Variants in C12orf42 observed in about 807,000 individuals in gnomAD.
C12orf42 encodes the protein uncharacterized protein C12orf42.
A neutral mutation model predicts 21.6 loss-of-function variants in C12orf42; 25 were observed. The ratio of observed to expected loss-of-function variants is 1.16; its 90% CI spans 0.84 to 1.62. The LOEUF is 1.62. Among genes scored for constraint, C12orf42 ranks in the 40% most tolerant of loss-of-function variants. The probability of loss-of-function intolerance (pLI) is 0.00; values close to 1 mark genes in which losing one functional copy is unlikely to be tolerated. For synonymous variants in C12orf42, 174 were observed against 175.0 expected, an observed-to-expected ratio of 0.99 and a Z score of 0.05; for missense variants, 483 against 459.3, an observed-to-expected ratio of 1.05 and a Z score of -0.47.
chr12:103,124,404 A>G, the C12orf42 span, among the ~76,000 whole-genome samples: 1 of 152,070 alleles, frequency 6.6e-6, no homozygotes, highest in African/African-American at 2.4e-5. Flanking sequence ...CCATCTCTGT[A>G]TCTCTGGCTA....
At chr12:103,257,446 C>T in intron 10 of C12orf42, among the ~76,000 whole-genome samples, 1 of 152,040 alleles carries the variant, frequency 6.6e-6, no homozygotes, top group African/African-American at 2.4e-5. Flanking sequence ...ACCCACAAAA[C>T]AAAACAAAAT....
the C12orf42 span, among the ~76,000 whole-genome samples, chr12:103,169,189 TAAATAAATA>T: frequency 2.8e-4 from 38 of 136,796 alleles, no homozygotes; most frequent in African/African-American, 8.8e-4. Context: ...AATAAATAAA[TAAATAAATA>T]AAATAAAGAT....
chr12:103,122,348 C>T, the C12orf42 span, among the ~76,000 whole-genome samples: 3 of 152,190 alleles, frequency 2.0e-5, no homozygotes, highest in African/African-American at 7.2e-5. Flanking sequence ...AATAGGCTTT[C>T]TGCATGGGCA....
chr12:103,198,892 G>C, the C12orf42 span, among the ~76,000 whole-genome samples: 1 of 152,094 alleles, frequency 6.6e-6, no homozygotes, highest in Non-Finnish European at 1.5e-5. Context: ...TGATGGTCTG[G>C]TCTCTAGGTG....
At chr12:103,454,111 A>G (rs1354666888) in intron 2 of C12orf42, among the ~76,000 whole-genome samples, 2 of 152,120 alleles carry the variant, frequency 1.3e-5, no homozygotes, top group East Asian at 3.8e-4. Flanking sequence ...TCTTTTTAGA[A>G]TTCTTCCCTG....
At chr12:103,345,419 T>C (rs2042530081) in intron 4 of C12orf42, among the ~76,000 whole-genome samples, 1 of 152,184 alleles carries the variant, frequency 6.6e-6, no homozygotes, top group Non-Finnish European at 1.5e-5. Flanking sequence ...TTGTTGTTGA[T>C]GATGATGTGC....
intron 3 of C12orf42, among the ~76,000 whole-genome samples, chr12:103,369,918 A>C (rs983810025): frequency 2.0e-5 from 3 of 152,180 alleles, no homozygotes; most frequent in Non-Finnish European, 2.9e-5. Flanking sequence ...ACAGTAAAAG[A>C]AACTATCAAC....
At chr12:103,442,553 G>A (rs1006540930) in intron 2 of C12orf42, among the ~76,000 whole-genome samples, 5 of 152,076 alleles carry the variant, frequency 3.3e-5, no homozygotes, top group African/African-American at 1.2e-4. Flanking sequence ...ATCTAAATCA[G>A]CACTCCATTC....
At chr12:103,079,945 A>G in the C12orf42 span, among the ~76,000 whole-genome samples, 1 of 152,220 alleles carries the variant, frequency 6.6e-6, no homozygotes, top group African/African-American at 2.4e-5. Context: ...TAATATAAGA[A>G]TATAGTCTAT....
intron 10 of C12orf42, among the ~76,000 whole-genome samples, chr12:103,250,789 T>C (rs993858678): frequency 1.3e-5 from 2 of 152,072 alleles, no homozygotes; most frequent in Non-Finnish European, 2.9e-5. Flanking sequence ...CTTCTCAGAA[T>C]CCTTCACAAG....
the C12orf42 span, among the ~76,000 whole-genome samples, chr12:103,116,394 A>G: frequency 3.4e-5 from 5 of 147,586 alleles, no homozygotes; most frequent in African/African-American, 7.4e-5. Context: ...ATATATATAT[A>G]TATATGTATA....
Position 103,302,667 on chromosome 12 carries a change from C to T in C12orf42, c.632-108G>A, listed in dbSNP as rs2037831522. 6.3e-6 allele frequency: 5 copies of T among 792,806 alleles called. 1 individual carries two copies. The South Asian group carries it at 8.9e-5, about 14-fold the overall frequency. 49.1% of individuals were successfully genotyped at this position (792,806 alleles called of 1,614,324 possible). On this transcript the variant is annotated intron_variant, in intron 5 of 5. Transcript: ENST00000548883. Reference sequence around the variant, plus strand: ...CTGAGAAATCAACATTTGTAATGTGCTCAGAGGGGAAAGAAAAAAAAAAAA... The same window carrying T: ...CTGAGAAATCAACATTTGTAATGTGTTCAGAGGGGAAAGAAAAAAAAAAAA...
At chr12:103,172,136 G>A in the C12orf42 span, among the ~76,000 whole-genome samples, 43 of 152,156 alleles carry the variant, frequency 2.8e-4, no homozygotes, top group African/African-American at 7.9e-4. Context: ...TTTTAGGCAG[G>A]AGGGAGGCTC....
At chr12:103,314,130 A>G (rs1170365246) in intron 4 of C12orf42, among the ~76,000 whole-genome samples, 1 of 152,168 alleles carries the variant, frequency 6.6e-6, no homozygotes, top group Non-Finnish European at 1.5e-5. Context: ...CAGCCTGACA[A>G]AGACAGATGT....
the C12orf42 span, among the ~76,000 whole-genome samples, chr12:103,529,635 T>C: frequency 6.6e-6 from 1 of 152,302 alleles, no homozygotes; most frequent in East Asian, 1.9e-4. Context: ...TACAGACTGT[T>C]TGGGTCTCTC....
the C12orf42 span, among the ~76,000 whole-genome samples, chr12:103,135,456 C>CAAAAAAAAAAAA: frequency 6.8e-6 from 1 of 146,656 alleles, no homozygotes. Flanking sequence ...GACACTATCT[C>CAAAAAAAAAAAA]AAAAAGAAAA....
intron 4 of C12orf42, among the ~76,000 whole-genome samples, chr12:103,325,804 T>A (rs764720199): frequency 5.9e-5 from 9 of 152,134 alleles, no homozygotes; most frequent in Non-Finnish European, 1.3e-4. Flanking sequence ...GTGGCTTGTT[T>A]TACCCAACAG....
the C12orf42 span, chr12:103,557,631 G>A: frequency 6.6e-6 from 1 of 152,210 alleles, no homozygotes; most frequent in Admixed American, 6.5e-5. Flanking sequence ...CCTGGGCTGA[G>A]ATTCCCAAAC....
chr12:103,399,644 CCTGAATTATTTAT>C (rs72169372), intron 3 of C12orf42, among the ~76,000 whole-genome samples: 27,912 of 151,866 alleles, frequency 0.18, 3,030 homozygotes, highest in East Asian at 0.35. Context: ...CCTGGAACTA[CCTGAATTATTTAT>C]CTGAATTATT....
Sources: gnomAD v4.1 joint callset for allele counts (sites outside exome capture counted in the v4.1 genomes callset) on GRCh38, gnomAD v4.1.1 for gene constraint, MANE v1.5 for transcripts, NCBI Gene and HGNC (gene_info 2026-07-23, HGNC 2026-07-21) for gene names.